SNAP91: variants seen among roughly 807,000 people sequenced by gnomAD.
The protein encoded by SNAP91 is clathrin coat assembly protein AP180.
SNAP91 carries 27 observed loss-of-function variants against 100.3 expected under a neutral mutation model. The ratio of observed to expected loss-of-function variants is 0.27; its 90% CI spans 0.20 to 0.37. SNAP91 has a LOEUF of 0.37. SNAP91 is among the 10% of genes least tolerant of loss of function. SNAP91 has a pLI of 1.00. For synonymous variants in SNAP91, 404 were observed against 398.6 expected, an observed-to-expected ratio of 1.01 and a Z score of -0.16; for missense variants, 986 against 1,123.7, an observed-to-expected ratio of 0.88 and a Z score of 1.75.
At chr6:83,621,350 T>C (rs1007489524) in intron 9 of SNAP91, among the ~76,000 whole-genome samples, 2 of 152,126 alleles carry the variant, frequency 1.3e-5, no homozygotes, top group African/African-American at 2.4e-5. Flanking sequence ...TAAAAATAAA[T>C]GTTAATATTG....
intron 10 of SNAP91, 127 bp from the exon 11 acceptor site, chr6:83,614,989 GA>G: frequency 1.6e-6 from 1 of 618,712 alleles, no homozygotes; most frequent in South Asian, 2.5e-5. Flanking sequence ...ATTCAGAAGA[GA>G]AATATGACAA....
At chr6:83,622,525 GCT>G (rs1325936163) in intron 9 of SNAP91, among the ~76,000 whole-genome samples, 1 of 152,032 alleles carries the variant, frequency 6.6e-6, no homozygotes, top group Non-Finnish European at 1.5e-5. Flanking sequence ...TAAGATAGCA[GCT>G]CTGTGTTTTC....
chr6:83,640,530 A>G (rs1025181005), intron 8 of SNAP91, among the ~76,000 whole-genome samples: 11 of 152,182 alleles, frequency 7.2e-5, no homozygotes, highest in African/African-American at 2.4e-4. Flanking sequence ...CCAATTCACA[A>G]ATAATTTCAG....
intron 8 of SNAP91, among the ~76,000 whole-genome samples, chr6:83,629,406 G>T (rs897585503): frequency 1.3e-5 from 2 of 151,998 alleles, no homozygotes; most frequent in African/African-American, 4.8e-5. Context: ...GAAGAATAGT[G>T]AATTTTGATG....
chr6:83,708,624 C>G (rs1235631180), intron 1 of SNAP91: 4 of 152,184 alleles, frequency 2.6e-5, no homozygotes, highest in Non-Finnish European at 5.9e-5. Flanking sequence ...AGGGGCCGCC[C>G]GGGAGCTCTG....
intron 26 of SNAP91, among the ~76,000 whole-genome samples, chr6:83,567,782 C>G (rs1798982138): frequency 1.3e-5 from 2 of 152,158 alleles, no homozygotes; most frequent in Non-Finnish European, 2.9e-5. Context: ...AAATGCAAAT[C>G]AAAACCACAA....
chr6:83,588,975 G>A (rs2093316833), intron 22 of SNAP91, among the ~76,000 whole-genome samples: 1 of 152,152 alleles, frequency 6.6e-6, no homozygotes, highest in South Asian at 2.1e-4. Context: ...ACCCAGGAGA[G>A]AAAGAAAGAA....
At chr6:83,696,545 A>G (rs1389741618) in intron 2 of SNAP91, among the ~76,000 whole-genome samples, 1 of 152,126 alleles carries the variant, frequency 6.6e-6, no homozygotes, top group African/African-American at 2.4e-5. Flanking sequence ...GTCTTCCTAA[A>G]TTCATTCGTC....
At chr6:83,581,727 A>T (rs956755252) in intron 23 of SNAP91, among the ~76,000 whole-genome samples, 1 of 152,222 alleles carries the variant, frequency 6.6e-6, no homozygotes, top group African/African-American at 2.4e-5. Flanking sequence ...GCATGGGAAG[A>T]GTAGAATGGA....
intron 26 of SNAP91, among the ~76,000 whole-genome samples, chr6:83,565,233 A>G (rs1794916156): frequency 6.6e-6 from 1 of 152,002 alleles, no homozygotes; most frequent in African/African-American, 2.4e-5. Flanking sequence ...AAATTTACAG[A>G]GATATTTCTC....
At chr6:83,590,501 G>A (rs2093587063) in intron 22 of SNAP91, among the ~76,000 whole-genome samples, 1 of 151,338 alleles carries the variant, frequency 6.6e-6, no homozygotes, top group African/African-American at 2.4e-5. Flanking sequence ...TGACCCTGTT[G>A]AGCTGAGATC....
rs80247992 is a variant in SNAP91 at position 83,655,841 on chromosome 6, A to T, written c.658+913T>A. On this transcript the variant is annotated intron_variant, in intron 7 of 29. Transcript: ENST00000369694. ...TCTTTTTCTTTCCCATTTCTCCCTC[A>T]AATTATACCCATGGACTCTGGGGGA... 3.1e-3 allele frequency among the ~76,000 whole-genome samples: 466 copies of T among 152,284 alleles called. 2 individuals carry two copies. Among genetic ancestry groups the T allele is most frequent in the African/African-American group, 0.011 (438 of 41,570 alleles).
chr6:83,582,093 C>A (rs1044475121), intron 23 of SNAP91, 129 bp downstream of exon 23: 1 of 977,514 alleles, frequency 1.0e-6, no homozygotes, highest in Non-Finnish European at 1.5e-6. Flanking sequence ...GATTTATTAA[C>A]GTTTTATAAA....
At chr6:83,564,185 G>C (rs922990069) in intron 26 of SNAP91, among the ~76,000 whole-genome samples, 2 of 151,928 alleles carry the variant, frequency 1.3e-5, no homozygotes, top group African/African-American at 4.8e-5. Flanking sequence ...AAAGAGTCTG[G>C]AAATAAACCC....
At chr6:83,594,273 C>G in intron 17 of SNAP91, 101 bp downstream of exon 17, 1 of 865,516 alleles carries the variant, frequency 1.2e-6, no homozygotes, top group Admixed American at 2.2e-5. Context: ...ACTTTACACT[C>G]AGAAGAAAGT....
At chr6:83,704,924 T>G (rs1368578251) in intron 2 of SNAP91, among the ~76,000 whole-genome samples, 1 of 152,204 alleles carries the variant, frequency 6.6e-6, no homozygotes, top group Non-Finnish European at 1.5e-5. Flanking sequence ...AATTATGTGT[T>G]TGCATGTTTT....
rs1826192194 is a variant in SNAP91 at position 83,580,323 on chromosome 6, T to C, written c.2299+127A>G. 3.2e-6 allele frequency: 3 copies of C among 939,112 alleles called. No individual in the cohort carries two copies. In the East Asian group the frequency reaches 7.6e-5, roughly 24 times the overall value. 58.2% of individuals were successfully genotyped at this position (939,112 alleles called of 1,614,324 possible). On this transcript the variant is annotated intron_variant, in intron 24 of 29. Coordinates refer to ENST00000369694, the MANE Select transcript of SNAP91 (RefSeq NM_001242792.2). Reference sequence around the variant, plus strand: ...GCACTAAGTATTTCTATTCCCTCCCTGCCATACTCACCCATAAGAGAGTCC... The same window carrying C: ...GCACTAAGTATTTCTATTCCCTCCCCGCCATACTCACCCATAAGAGAGTCC...
At chr6:83,614,541 C>T (rs886276179) in intron 11 of SNAP91, among the ~76,000 whole-genome samples, 4 of 151,780 alleles carry the variant, frequency 2.6e-5, no homozygotes, top group African/African-American at 9.7e-5. Context: ...ATGCTATAAG[C>T]CATGGGGAAG....
chr6:83,582,442 A>G, intron 22 of SNAP91, 86 bp from the exon 23 acceptor site: 1 of 1,355,956 alleles, frequency 7.4e-7, no homozygotes, highest in South Asian at 1.5e-5. Context: ...GTTATAGAAA[A>G]CTGAAAAGGA....
Sources: allele counts gnomAD v4.1 joint callset (sites outside exome capture counted in the v4.1 genomes callset), GRCh38; gene constraint gnomAD v4.1.1; transcripts MANE v1.5; gene names NCBI Gene and HGNC (gene_info 2026-07-23, HGNC 2026-07-21).